Variants in PARD3 observed in about 807,000 individuals in gnomAD.
The protein encoded by PARD3 is par-3 family cell polarity regulator.
In PARD3, 75 loss-of-function variants were observed where a neutral mutation model predicts 155.4. The ratio of observed to expected loss-of-function variants is 0.48; its 90% CI spans 0.40 to 0.58. PARD3 has a LOEUF of 0.58. PARD3 is among the 20% of genes least tolerant of loss of function. PARD3 has a pLI of 0.00. For synonymous variants in PARD3, 576 were observed against 610.5 expected, an observed-to-expected ratio of 0.94 and a Z score of 0.83; for missense variants, 1,642 against 1,721.7, an observed-to-expected ratio of 0.95 and a Z score of 0.82.
chr10:34,668,971 A>G (rs927334478), intron 2 of PARD3, among the ~76,000 whole-genome samples: 2 of 152,194 alleles, frequency 1.3e-5, no homozygotes, highest in African/African-American at 4.8e-5. Context: ...GTTCTAGGAC[A>G]TGGGGATACA....
intron 20 of PARD3, among the ~76,000 whole-genome samples, chr10:34,296,002 C>T (rs1005840591): frequency 2.0e-5 from 3 of 152,070 alleles, no homozygotes; most frequent in African/African-American, 7.2e-5. Context: ...TGTTTAAATG[C>T]CAGAGGCAGT....
chr10:34,734,606 T>G lies in PARD3; in HGVS notation c.121-38187A>C, dbSNP rs547894199. ...GCCCACCTCGGCCCATATGGGGCAT[T>G]TTTAAAATAAAAGAGAAAACAAAAA... is the stretch of plus-strand genomic sequence containing the variant. On this transcript the variant is annotated intron_variant, in intron 1 of 24. Coordinates refer to ENST00000374788, the MANE Select transcript of PARD3 (RefSeq NM_001184785.2). Among the ~76,000 whole-genome samples, 5 of 152,202 alleles carry G rather than the reference T, an allele frequency of 3.3e-5. No homozygotes were observed. The South Asian group carries it at 1.0e-3, about 32-fold the overall frequency.
At chr10:34,583,535 C>T (rs1480138354) in intron 2 of PARD3, among the ~76,000 whole-genome samples, 1 of 152,032 alleles carries the variant, frequency 6.6e-6, no homozygotes. Context: ...ATCACTATCC[C>T]TTATTTACCT....
intron 22 of PARD3, among the ~76,000 whole-genome samples, chr10:34,251,302 T>C (rs971532114): frequency 3.9e-5 from 6 of 152,196 alleles, no homozygotes; most frequent in African/African-American, 7.2e-5. Flanking sequence ...GCAAACCTTT[T>C]AGCTTTGAAA....
chr10:34,203,615 C>T (rs1367148151), intron 22 of PARD3, among the ~76,000 whole-genome samples: 1 of 152,184 alleles, frequency 6.6e-6, no homozygotes, highest in Non-Finnish European at 1.5e-5. Flanking sequence ...AGTTGTTATA[C>T]TGTGCTGTTT....
At chr10:34,192,136 C>T (rs371760602) in intron 22 of PARD3, among the ~76,000 whole-genome samples, 8 of 151,996 alleles carry the variant, frequency 5.3e-5, no homozygotes, top group African/African-American at 1.2e-4. Flanking sequence ...CTGGAGTGCC[C>T]GGCTCATTGC....
At chr10:34,395,270 A>G (rs1843207850) in intron 7 of PARD3, among the ~76,000 whole-genome samples, 1 of 152,160 alleles carries the variant, frequency 6.6e-6, no homozygotes, top group South Asian at 2.1e-4. Context: ...CTTGACCTGA[A>G]GTGCTCCACC....
At chr10:34,798,950 C>T (rs1234639521) in intron 1 of PARD3, among the ~76,000 whole-genome samples, 1 of 152,198 alleles carries the variant, frequency 6.6e-6, no homozygotes, top group Non-Finnish European at 1.5e-5. Context: ...AAGAGCTTTA[C>T]AGAAACACCA....
At chr10:34,266,585 G>GT (rs1381160355) in intron 22 of PARD3, among the ~76,000 whole-genome samples, 3 of 152,058 alleles carry the variant, frequency 2.0e-5, no homozygotes, top group Non-Finnish European at 2.9e-5. Flanking sequence ...TAAAAGTATC[G>GT]TAAGTCTGAC....
intron 2 of PARD3, among the ~76,000 whole-genome samples, chr10:34,623,563 T>C (rs1440349910): frequency 6.6e-6 from 1 of 152,200 alleles, no homozygotes. Flanking sequence ...AGAGACTTCC[T>C]ATAGTTAACC....
intron 19 of PARD3, among the ~76,000 whole-genome samples, chr10:34,327,305 C>A (rs183376250): frequency 3.9e-5 from 6 of 152,194 alleles, no homozygotes; most frequent in South Asian, 2.1e-4. Flanking sequence ...ATGGAGAGGC[C>A]AGATGGATTA....
At chr10:34,751,509 C>T (rs1386277211) in intron 1 of PARD3, among the ~76,000 whole-genome samples, 2 of 152,138 alleles carry the variant, frequency 1.3e-5, no homozygotes, top group African/African-American at 4.8e-5. Flanking sequence ...CCTACACATC[C>T]CTTCAGAGTC....
intron 2 of PARD3, among the ~76,000 whole-genome samples, chr10:34,592,075 C>G: frequency 6.6e-6 from 1 of 151,888 alleles, no homozygotes. Flanking sequence ...ACCTTCAGTC[C>G]TGACACAGAC....
rs1554839554 is a variant in PARD3, at chr10:34,364,434, C to CT, written c.1708-4176dup. ...GATCTGCCCTTATCTACAGAATTATCTTTTTTTTTTTTAAAGACAGGGTCT... is the reference window on the plus strand; with the variant it reads ...GATCTGCCCTTATCTACAGAATTATCTTTTTTTTTTTTTAAAGACAGGGTCT... On this transcript the variant is annotated intron_variant, in intron 12 of 24. Coordinates refer to ENST00000374788, the MANE Select transcript of PARD3 (RefSeq NM_001184785.2). 2.1e-3 allele frequency among the ~76,000 whole-genome samples: 265 copies of CT among 127,672 alleles called. 2 individuals are homozygous for CT. The highest frequency in any genetic ancestry group is 0.017 in the East Asian group (84 of 5,028). The allele number at this position is 127,672 out of a possible 152,430, so 83.8% of individuals were successfully genotyped here.
intron 5 of PARD3, among the ~76,000 whole-genome samples, chr10:34,416,027 T>C (rs1845640882): frequency 6.6e-6 from 1 of 152,152 alleles, no homozygotes; most frequent in African/African-American, 2.4e-5. Context: ...ATTCTAGGAA[T>C]AGAGAACTGC....
chr10:34,474,036 C>G (rs1359968987), intron 3 of PARD3, among the ~76,000 whole-genome samples: 1 of 152,118 alleles, frequency 6.6e-6, no homozygotes, highest in Non-Finnish European at 1.5e-5. Context: ...GCTCACATGT[C>G]CTGCATCAGT....
intron 5 of PARD3, among the ~76,000 whole-genome samples, chr10:34,405,100 A>ACG (rs1353988747): frequency 6.6e-6 from 1 of 151,362 alleles, no homozygotes. Context: ...ACACACACAC[A>ACG]CACACACACA....
At chr10:34,509,597 T>C (rs762473095) in intron 3 of PARD3, among the ~76,000 whole-genome samples, 3 of 152,028 alleles carry the variant, frequency 2.0e-5, no homozygotes, top group Non-Finnish European at 2.9e-5. Context: ...CAATGATGCA[T>C]AAAATGGAAA....
intron 2 of PARD3, among the ~76,000 whole-genome samples, chr10:34,572,249 G>A (rs1168672921): frequency 2.0e-5 from 3 of 152,126 alleles, no homozygotes; most frequent in African/African-American, 7.2e-5. Flanking sequence ...GCTCACACCT[G>A]AAATCCCAGC....
Sources: gnomAD v4.1 joint callset for allele counts (sites outside exome capture counted in the v4.1 genomes callset) on GRCh38, gnomAD v4.1.1 for gene constraint, MANE v1.5 for transcripts, NCBI Gene and HGNC (gene_info 2026-07-23, HGNC 2026-07-21) for gene names.